TYK2: variants seen among roughly 807,000 people sequenced by gnomAD.
TYK2 encodes non-receptor tyrosine-protein kinase TYK2.
TYK2 carries 65 observed loss-of-function variants against 130.9 expected under a neutral mutation model. The ratio of observed to expected loss-of-function variants is 0.50; its 90% CI spans 0.41 to 0.61. The LOEUF (loss-of-function observed/expected upper bound fraction) is 0.61. Among genes scored for constraint, TYK2 ranks in the 20% least tolerant of loss-of-function variants. The probability of loss-of-function intolerance (pLI) is 0.00; values close to 1 mark genes in which losing one functional copy is unlikely to be tolerated. For synonymous variants in TYK2, 647 were observed against 658.9 expected (o/e 0.98, Z 0.28); for missense variants, 1,378 against 1,610.7 (o/e 0.86, Z 2.47).
At chr19:10,354,686 A>G (rs1272315071) in intron 18 of TYK2, 77 bp from the exon 19 acceptor site, 4 of 1,198,014 alleles carry the variant, frequency 3.3e-6, no homozygotes, top group Non-Finnish European at 5.0e-6. Flanking sequence ...TCACAAAGCC[A>G]GCCACAGCTA....
Position 10,361,787 on chromosome 19 carries a change from G to A in TYK2, c.1942C>T (p.His648Tyr). The change falls in exon 13 of 25, where the codon CAC becomes TAC. Residue 648 changes from histidine to tyrosine, a missense_variant. Physicochemically the swap from His to Tyr is moderately conservative, Grantham distance 83. Transcript: ENST00000525621. This position sits in a 1 kb window ranked among gnomAD's most constrained non-coding sequence, Gnocchi z 4.0. ...CCACTCACCAGGGCGATGTCATGGT[G>A]ACTAGGGTCCAGCACTTTGAGCACC... Reference protein sequence around the residue: ...RVVLKVLDPSHHDIALAFYET... With the variant: ...RVVLKVLDPSYHDIALAFYET... The A allele has an allele frequency of 2.5e-6, 4 of 1,613,564 alleles. No homozygotes were observed. Among genetic ancestry groups the A allele is most frequent in the Non-Finnish European group, 3.4e-6 (4 of 1,179,940 alleles).
At chr19:10,375,561 G>A (rs893779957) in intron 3 of TYK2, among the ~76,000 whole-genome samples, 5 of 151,568 alleles carry the variant, frequency 3.3e-5, no homozygotes, top group East Asian at 1.9e-4. Context: ...AGGTTGCAGT[G>A]AGCTGAGGTC....
intron 2 of TYK2, among the ~76,000 whole-genome samples, chr19:10,378,833 A>ATATCTTATCTTATCTTATCT (rs58371844): frequency 3.8e-4 from 56 of 148,916 alleles, no homozygotes; most frequent in South Asian, 2.4e-3. Context: ...GTTTTATTTT[A>ATATCTTATCTTATCTTATCT]TATCTTATCT....
chr19:10,364,534 C>T lies in TYK2; in HGVS notation c.1367+80G>A. ...AAAATAAGACGTGCACCTACACACA[C>T]ACCCTGCACAGCCCCTAGGGCTCAC... On this transcript the variant is annotated intron_variant, in intron 9 of 24. Coordinates refer to ENST00000525621, the MANE Select transcript of TYK2 (RefSeq NM_003331.5). The surrounding 1 kb of genome is among the most constrained non-coding windows in gnomAD (Gnocchi z 4.9). The T allele has an allele frequency of 6.6e-7, 1 of 1,522,604 alleles. No individual in the cohort carries two copies. The highest frequency in any genetic ancestry group is 9.1e-7 in the Non-Finnish European group (1 of 1,101,164). The allele number at this position is 1,522,604 out of a possible 1,614,324, so 94.3% of individuals were successfully genotyped here. A position where few individuals can be genotyped will look rare whatever the true frequency, so the allele number is the denominator to read the frequency against.
intron 3 of TYK2, among the ~76,000 whole-genome samples, chr19:10,372,174 T>C (rs1393418163): frequency 2.0e-5 from 3 of 151,476 alleles, no homozygotes; most frequent in East Asian, 1.9e-4. Context: ...TGTATTTTTT[T>C]AGTAGAGACG....
chr19:10,363,794 C>CCCCAAACA (rs1271300183), intron 9 of TYK2, among the ~76,000 whole-genome samples: 1 of 152,204 alleles, frequency 6.6e-6, no homozygotes, highest in Non-Finnish European at 1.5e-5. Context: ...CACACGTGGT[C>CCCCAAACA]CCCAAACACC....
rs1288664567 is a variant in TYK2, at chr19:10,361,105, A to G, written c.2047+406T>C. On this transcript the variant is annotated intron_variant, in intron 14 of 24. Transcript: ENST00000525621. The surrounding 1 kb of genome is among the most constrained non-coding windows in gnomAD (Gnocchi z 4.0). ...AGGAAAGGAAGAGGTGGGGTTAGGC[A>G]GGGTTGGATGTGCAGGGGCTGAGGC... is the stretch of plus-strand genomic sequence containing the variant. 2.1e-6 allele frequency: 1 copy of G among 485,566 alleles called. No individual in the cohort carries two copies. The highest frequency in any genetic ancestry group is 1.6e-5 in the South Asian group (1 of 63,298). The allele number at this position is 485,566 out of a possible 1,614,324, so 30.1% of individuals were successfully genotyped here.
At position 10,353,020 on chromosome 19, in the gene TYK2, G is replaced by T; in HGVS notation, c.3106C>A (p.Leu1036Met). 6.2e-7 allele frequency: 1 copy of T among 1,604,100 alleles called. No homozygotes were observed. The highest frequency in any genetic ancestry group is 8.5e-7 in the Non-Finnish European group (1 of 1,174,988). The change falls in exon 22 of 25, where the codon CTG (leucine) becomes ATG (methionine). Residue 1036 changes from leucine to methionine, a missense_variant. Coordinates refer to ENST00000525621, the MANE Select transcript of TYK2 (RefSeq NM_003331.5). The surrounding 1 kb of genome is among the most constrained non-coding windows in gnomAD (Gnocchi z 6.9). Reference sequence around the variant, plus strand: ...AGGCCAAAGTCCCCGATCTTGACCAGCCTGTCGTTGTCCAGCAGCACGTTG... The same window carrying T: ...AGGCCAAAGTCCCCGATCTTGACCATCCTGTCGTTGTCCAGCAGCACGTTG... ...ARNVLLDNDR[L>M]VKIGDFGLAK...
intron 15 of TYK2, among the ~76,000 whole-genome samples, chr19:10,358,974 A>G (rs1207412997): frequency 2.0e-5 from 3 of 151,992 alleles, no homozygotes; most frequent in Non-Finnish European, 4.4e-5. Flanking sequence ...GAGGCGGGAG[A>G]ATCATTTGAA....
chr19:10,353,141 T>G lies in TYK2; in HGVS notation c.3028-43A>C. ...CTCGTGAGTTTCAGTGGGGCGGGGT[T>G]CGGCCGGGGGCGGCGGCAGGACCTG... On this transcript the variant is annotated intron_variant, in intron 21 of 24. Transcript: ENST00000525621. This position sits in a 1 kb window ranked among gnomAD's most constrained non-coding sequence, Gnocchi z 6.9. 6.9e-7 allele frequency: 1 copy of G among 1,442,590 alleles called. No individual in the cohort carries two copies. The highest frequency in any genetic ancestry group is 9.2e-7 in the Non-Finnish European group (1 of 1,092,364). The allele number at this position is 1,442,590 out of a possible 1,614,324, so 89.4% of individuals were successfully genotyped here. A position where few individuals can be genotyped will look rare whatever the true frequency, so the allele number is the denominator to read the frequency against.
intron 3 of TYK2, chr19:10,369,774 T>G (rs1188266120): frequency 6.6e-6 from 3 of 453,118 alleles, no homozygotes; most frequent in Admixed American, 4.7e-5. Context: ...CCGGGCGCAG[T>G]GGCTCACGCC....
chr19:10,375,908 G>A (rs141621839), intron 3 of TYK2, among the ~76,000 whole-genome samples: 1,860 of 151,700 alleles, frequency 0.012, 35 homozygotes, highest in African/African-American at 0.042. Flanking sequence ...GCCTGGGACA[G>A]AGCGAGACTC....
Position 10,364,805 on chromosome 19 carries a change from C to T in TYK2, c.1210-34G>A, listed in dbSNP as rs775246624. 6.2e-7 allele frequency: 1 copy of T among 1,614,018 alleles called. No homozygotes were observed. Among genetic ancestry groups the T allele is most frequent in the South Asian group, 1.1e-5 (1 of 91,088 alleles). ...CAGGGGCGCATCAGGTGGGTGTCCTCCCAGGCCATGATGGGCCCTAGCCCA... is the reference window on the plus strand; with the variant it reads ...CAGGGGCGCATCAGGTGGGTGTCCTTCCAGGCCATGATGGGCCCTAGCCCA... On this transcript the variant is annotated intron_variant, in intron 8 of 24. Coordinates refer to ENST00000525621, the MANE Select transcript of TYK2 (RefSeq NM_003331.5). This position sits in a 1 kb window ranked among gnomAD's most constrained non-coding sequence, Gnocchi z 4.9.
chr19:10,372,484 A>ATATATATATATATATTTT (rs1390400916), intron 3 of TYK2, among the ~76,000 whole-genome samples: 15 of 37,424 alleles, frequency 4.0e-4, no homozygotes, highest in South Asian at 1.1e-3. Flanking sequence ...ATATATATAT[A>ATATATATATATATATTTT]TTTTTTTTTT....
intron 18 of TYK2, among the ~76,000 whole-genome samples, chr19:10,356,083 CAA>C (rs2041085625): frequency 6.8e-6 from 1 of 146,978 alleles, no homozygotes; most frequent in Non-Finnish European, 1.5e-5. Flanking sequence ...TCTCCCCAGA[CAA>C]AACATTAAGG....
At chr19:10,362,969 G>GC (rs1454653644) in intron 9 of TYK2, among the ~76,000 whole-genome samples, 2 of 151,086 alleles carry the variant, frequency 1.3e-5, no homozygotes, top group African/African-American at 4.9e-5. Flanking sequence ...CTGGGTTCAA[G>GC]CAATTCTCTT....
In TYK2 at chr19:10,366,466, G is replaced by A. The variant is rs373574074; in HGVS notation, c.580C>T (p.Leu194Phe). 1.1e-4 allele frequency: 177 copies of A among 1,613,998 alleles called. No individual in the cohort carries two copies. Among genetic ancestry groups the A allele is most frequent in the Non-Finnish European group, 1.5e-4 (177 of 1,180,038 alleles). Residue 194 changes from leucine to phenylalanine, a missense_variant, in exon 6 of 25, where the codon CTC becomes TTC. Transcript: ENST00000525621. ...LGMAFLHLCHLALRHGIPLEE... is the reference protein window; with the variant it reads ...LGMAFLHLCHFALRHGIPLEE... The stretch of plus-strand genomic sequence containing the variant: ...AGGGGGATGCCATGGCGGAGAGCGA[G>A]GTGACAGAGGTGCAGAAAGGCCATG...
intron 1 of TYK2, 51 bp from the exon 2 acceptor site, chr19:10,379,830 A>G (rs1439476207): frequency 1.3e-5 from 2 of 152,340 alleles, no homozygotes; most frequent in Admixed American, 6.6e-5. Context: ...CAAGAATAAC[A>G]TAATTGTTAT....
rs764682808 is a variant in TYK2 at position 10,354,570 on chromosome 19, G to A, written c.2657C>T (p.Ala886Val). ...DVLTVNPDSP[A>V]SDPTVFHKRY... ...CTTGTGGAAAACCGTAGGGTCCGAC[G>A]CCGGTGAGTCCGGGTTCACAGTCAA... is the stretch of plus-strand genomic sequence containing the variant. The change falls in exon 19 of 25, where the codon GCG becomes GTG. Residue 886 changes from alanine (A) to valine (V), a missense_variant. Transcript: ENST00000525621. 11 of 1,613,962 alleles carry A rather than the reference G, an allele frequency of 6.8e-6. No individual in the cohort carries two copies. Among genetic ancestry groups the A allele is most frequent in the Non-Finnish European group, 8.5e-6 (10 of 1,180,036 alleles).
Sources: gnomAD v4.1 joint callset for allele counts (sites outside exome capture counted in the v4.1 genomes callset) on GRCh38, gnomAD v4.1.1 for gene constraint, Gnocchi (gnomAD v3.1) non-coding constraint, MANE v1.5 for transcripts, NCBI Gene and HGNC (gene_info 2026-07-23, HGNC 2026-07-21) for gene names.